SEC23A: variants seen among roughly 807,000 people sequenced by gnomAD.
The protein encoded by SEC23A is protein transport protein Sec23A.
A neutral mutation model predicts 103.7 loss-of-function variants in SEC23A; 56 were observed. The observed-to-expected ratio is 0.54, with a 90% CI of 0.44 to 0.67. The LOEUF is 0.67. Ranked by LOEUF, SEC23A falls within the 30% of genes least tolerant of loss-of-function variation. The pLI, the probability that SEC23A is intolerant of heterozygous loss-of-function variation, is 0.00. For missense variants in SEC23A, 784 were observed against 936.4 expected, an observed-to-expected ratio of 0.84 and a Z score of 2.12; for synonymous variants, 281 against 293.0, an observed-to-expected ratio of 0.96 and a Z score of 0.42.
rs1488074628 is a variant in SEC23A at position 39,094,428 on chromosome 14, ATATATATATATATATTT to A, written c.222-1201_222-1185del. Among the ~76,000 whole-genome samples, 94 of 46,650 alleles carry A rather than the reference ATATATATATATATATTT, an allele frequency of 2.0e-3. 15 individuals are homozygous for A. The highest frequency in any genetic ancestry group is 7.1e-3 in the South Asian group (10 of 1,416). The allele number at this position is 46,650 out of a possible 152,430, so 30.6% of individuals were successfully genotyped here. On this transcript the variant is annotated intron_variant, in intron 2 of 19. Transcript: ENST00000307712. ...TATATATATATATATATATATATAT[ATATATATATATATATTT>A]TTTTTTTTTTTTTTTCCCCTCCTGT... is the stretch of plus-strand genomic sequence containing the variant.
chr14:39,092,701 A>G, intron 3 of SEC23A, 74 bp from the exon 4 acceptor site: 1 of 813,398 alleles, frequency 1.2e-6, no homozygotes. Flanking sequence ...TAAACAAAGT[A>G]TTTCCTGATC....
At chr14:39,045,917 ACCC>A (rs1885818033) in intron 15 of SEC23A, among the ~76,000 whole-genome samples, 1 of 151,916 alleles carries the variant, frequency 6.6e-6, no homozygotes, top group African/African-American at 2.4e-5. Context: ...ATCCCCACCC[ACCC>A]ACATCTCACC....
intron 13 of SEC23A, among the ~76,000 whole-genome samples, chr14:39,061,509 C>T (rs1411833644): frequency 6.6e-6 from 1 of 151,866 alleles, no homozygotes; most frequent in African/African-American, 2.4e-5. Context: ...TGATTTTTCT[C>T]CTCTCACAGG....
At chr14:39,053,425 A>G (rs537323932) in intron 14 of SEC23A, among the ~76,000 whole-genome samples, 1 of 152,332 alleles carries the variant, frequency 6.6e-6, no homozygotes, top group East Asian at 1.9e-4. Context: ...CTATCTGGAA[A>G]CAAAAGATCC....
rs533527725 is a variant in SEC23A, at chr14:39,047,568, A to C, written c.1737+1084T>G. ...AGCTGATGCTTTAAACAAAGTTCTC[A>C]TGGGCAAAAATATGAATTTCCACAT... is the stretch of plus-strand genomic sequence containing the variant. On this transcript the variant is annotated intron_variant, in intron 15 of 19. Coordinates refer to ENST00000307712, the MANE Select transcript of SEC23A (RefSeq NM_006364.4). The C allele has an allele frequency of 2.0e-4, 54 of 267,376 alleles. 2 individuals are homozygous for C. The highest frequency in any genetic ancestry group is 1.8e-3 in the South Asian group (50 of 27,068). The allele number at this position is 267,376 out of a possible 1,614,324, so 16.6% of individuals were successfully genotyped here. A position where few individuals can be genotyped will look rare whatever the true frequency, so the allele number is the denominator to read the frequency against.
intron 10 of SEC23A, among the ~76,000 whole-genome samples, chr14:39,065,966 C>G (rs917917159): frequency 1.6e-5 from 2 of 123,846 alleles, no homozygotes; most frequent in African/African-American, 6.4e-5. Flanking sequence ...ACATTGCACT[C>G]CAGCCGGGCA....
At chr14:39,094,193 T>TATATATATATATATATGCATATATACAC (rs1887759180) in intron 2 of SEC23A, among the ~76,000 whole-genome samples, 1 of 138,642 alleles carries the variant, frequency 7.2e-6, no homozygotes, top group African/African-American at 2.9e-5. Context: ...AGCATATACA[T>TATATATATATATATATGCATATATACAC]ATACATATAT....
intron 8 of SEC23A, among the ~76,000 whole-genome samples, chr14:39,075,454 G>C (rs1268659787): frequency 6.6e-6 from 1 of 152,016 alleles, no homozygotes; most frequent in African/African-American, 2.4e-5. Context: ...ATATAAGAGA[G>C]TCAAAAATCA....
intron 14 of SEC23A, among the ~76,000 whole-genome samples, chr14:39,049,300 A>G (rs901677134): frequency 5.9e-5 from 9 of 152,078 alleles, no homozygotes; most frequent in African/African-American, 2.2e-4. Flanking sequence ...ACATGGTGAA[A>G]CCGCATCTCT....
chr14:39,048,511 GGCTGACTAA>G, intron 15 of SEC23A, 132 bp downstream of exon 15: 1 of 636,798 alleles, frequency 1.6e-6, no homozygotes. Flanking sequence ...CTACTCAGGA[GGCTGACTAA>G]GCCCCGGAGT....
At chr14:39,058,304 T>C (rs8005793) in intron 13 of SEC23A, among the ~76,000 whole-genome samples, 1 of 151,068 alleles carries the variant, frequency 6.6e-6, no homozygotes, top group Non-Finnish European at 1.5e-5. Flanking sequence ...TTTTTTTTAA[T>C]TTTTTTTATT....
chr14:39,050,798 GGAAAGAAAGGAA>G (rs1886028891), intron 14 of SEC23A, among the ~76,000 whole-genome samples: 1 of 121,812 alleles, frequency 8.2e-6, no homozygotes. Context: ...CTCAAAAGAA[GGAAAGAAAGGAA>G]GAAAGAAAGA....
chr14:39,081,392 C>A (rs1163653369), intron 7 of SEC23A, among the ~76,000 whole-genome samples: 1 of 152,130 alleles, frequency 6.6e-6, no homozygotes, highest in East Asian at 1.9e-4. Flanking sequence ...ACTCTTAAGT[C>A]TTCTTAAGAA....
At chr14:39,096,772 G>A (rs895645434) in intron 1 of SEC23A, among the ~76,000 whole-genome samples, 1 of 152,126 alleles carries the variant, frequency 6.6e-6, no homozygotes, top group African/African-American at 2.4e-5. Context: ...TTCCATATCA[G>A]TTTTGAAAAT....
At chr14:39,090,443 T>C (rs1033264568) in intron 5 of SEC23A, among the ~76,000 whole-genome samples, 4 of 152,168 alleles carry the variant, frequency 2.6e-5, no homozygotes, top group African/African-American at 9.6e-5. Flanking sequence ...CAGATGATCC[T>C]AGTATGCTAC....
At position 39,033,233 on chromosome 14, in the gene SEC23A, A is replaced by G; in HGVS notation, c.*6T>C. ...CTTCTTAAGTGTCTTTAACATTATT[A>G]GCACTTCAAGCAGCACTGGACACAG... On this transcript the variant is annotated 3_prime_UTR_variant, in exon 20 of 20. Transcript: ENST00000307712. 1 of 1,585,022 alleles carries G rather than the reference A, an allele frequency of 6.3e-7. No homozygotes were observed. Among genetic ancestry groups the G allele is most frequent in the East Asian group, 2.2e-5 (1 of 44,720 alleles).
In SEC23A at chr14:39,097,330, CA is replaced by C. The variant is rs1028481480; in HGVS notation, c.-21-1192del. Among the ~76,000 whole-genome samples, 5 of 152,120 alleles carry C rather than the reference CA, an allele frequency of 3.3e-5. No individual in the cohort carries two copies. In the East Asian group the frequency reaches 9.7e-4, roughly 29 times the overall value. On this transcript the variant is annotated intron_variant, in intron 1 of 19. Transcript: ENST00000307712. ...TGAAGAATTTAAAGGTGTGGGAGGA[CA>C]AAGACATTCAAGTGTTATGCAGCAG...
chr14:39,090,201 C>T (rs1290768947), intron 5 of SEC23A, among the ~76,000 whole-genome samples: 1 of 152,164 alleles, frequency 6.6e-6, no homozygotes, highest in Non-Finnish European at 1.5e-5. Flanking sequence ...TCTGATTTTA[C>T]ATCTGTCAAC....
At chr14:39,084,305 C>T (rs1409757964) in intron 7 of SEC23A, among the ~76,000 whole-genome samples, 2 of 152,090 alleles carry the variant, frequency 1.3e-5, no homozygotes, top group African/African-American at 4.8e-5. Flanking sequence ...GGATTACAGG[C>T]GTGAACCACC....
Sources: allele counts gnomAD v4.1 joint callset (sites outside exome capture counted in the v4.1 genomes callset), GRCh38; gene constraint gnomAD v4.1.1; transcripts MANE v1.5; gene names NCBI Gene and HGNC (gene_info 2026-07-23, HGNC 2026-07-21).